The following LRRC37A2 variants were observed in gnomAD, a reference collection of about 807,000 sequenced individuals.
LRRC37A2 encodes the protein leucine-rich repeat-containing protein 37A2.
LRRC37A2 carries 9 observed loss-of-function variants against 68.8 expected under a neutral mutation model. The ratio of observed to expected loss-of-function variants is 0.13; its 90% CI spans 0.08 to 0.23. LRRC37A2 has a LOEUF of 0.23. Among genes scored for constraint, LRRC37A2 ranks in the 10% least tolerant of loss-of-function variants. The pLI is 1.00. For missense variants in LRRC37A2, 168 were observed against 950.4 expected (o/e 0.18, Z 10.82); for synonymous variants, 63 against 367.6 (o/e 0.17, Z 9.48).
At chr17:46,835,487 AG>A in the LRRC37A2 span, among the ~76,000 whole-genome samples, 1 of 152,216 alleles carries the variant, frequency 6.6e-6, no homozygotes, top group African/African-American at 2.4e-5. Flanking sequence ...CTGGGATTAC[AG>A]GCATGAGCCA....
chr17:46,787,475 T>C, the LRRC37A2 span, among the ~76,000 whole-genome samples: 1 of 152,318 alleles, frequency 6.6e-6, no homozygotes, highest in African/African-American at 2.4e-5. Flanking sequence ...AGGGAAGCGA[T>C]GTGCCTTCCC....
chr17:46,757,865 A>T, the LRRC37A2 span, among the ~76,000 whole-genome samples: 1 of 152,102 alleles, frequency 6.6e-6, no homozygotes, highest in Non-Finnish European at 1.5e-5. Flanking sequence ...GTGGTGGCAC[A>T]TGCCTATAAT....
chr17:46,849,214 C>T, the LRRC37A2 span, among the ~76,000 whole-genome samples: 1 of 152,258 alleles, frequency 6.6e-6, no homozygotes, highest in Admixed American at 6.5e-5. Flanking sequence ...GTTTCTCACT[C>T]TCCAGCCACT....
the LRRC37A2 span, among the ~76,000 whole-genome samples, chr17:46,779,133 G>A: frequency 7.1e-5 from 10 of 140,302 alleles, no homozygotes; most frequent in African/African-American, 2.2e-4. Flanking sequence ...CCAAAGGGCC[G>A]GGCACATGCT....
At chr17:46,875,256 G>A in the LRRC37A2 span, 1 of 1,614,204 alleles carries the variant, frequency 6.2e-7, no homozygotes, top group Non-Finnish European at 8.5e-7. Flanking sequence ...CGTGTGCGGT[G>A]ACAACCTCAA....
the LRRC37A2 span, among the ~76,000 whole-genome samples, chr17:46,921,837 C>G: frequency 6.6e-6 from 1 of 152,200 alleles, no homozygotes; most frequent in Non-Finnish European, 1.5e-5. Context: ...GAAACAACAG[C>G]TGCTGGAGAG....
the LRRC37A2 span, among the ~76,000 whole-genome samples, chr17:46,852,395 T>C: frequency 2.7e-5 from 2 of 73,598 alleles, no homozygotes; most frequent in Admixed American, 1.5e-4. Flanking sequence ...GCCCAGTGTG[T>C]GTGTGTGTGT....
At chr17:46,931,657 T>TCCCCCC in the LRRC37A2 span, 5 of 280,040 alleles carry the variant, frequency 1.8e-5, no homozygotes, top group Admixed American at 5.1e-5. Context: ...CCTTGCCACC[T>TCCCCCC]CCACCCCCAG....
chr17:46,962,933 A>G, the LRRC37A2 span, among the ~76,000 whole-genome samples: 3 of 152,246 alleles, frequency 2.0e-5, no homozygotes, highest in South Asian at 6.2e-4. Flanking sequence ...ATGTGATTTA[A>G]TCCTTTCAAA....
At chr17:46,774,011 A>T in the LRRC37A2 span, 3 of 1,498,922 alleles carry the variant, frequency 2.0e-6, no homozygotes, top group African/African-American at 4.1e-5. Flanking sequence ...GTGGAGAGGC[A>T]GAGGGCCTGT....
chr17:46,917,312 A>G, the LRRC37A2 span: 2 of 152,246 alleles, frequency 1.3e-5, no homozygotes. Flanking sequence ...CCAAACTACA[A>G]TGGTGGTACA....
chr17:47,020,641 G>A, the LRRC37A2 span, among the ~76,000 whole-genome samples: 6 of 150,974 alleles, frequency 4.0e-5, no homozygotes, highest in East Asian at 1.9e-4. Flanking sequence ...AATTAGCCAG[G>A]CATGGTGGTG....
the LRRC37A2 span, among the ~76,000 whole-genome samples, chr17:46,789,237 G>A: frequency 5.3e-5 from 8 of 152,134 alleles, no homozygotes; most frequent in Non-Finnish European, 8.8e-5. Flanking sequence ...TGATAGCACT[G>A]GCCACCAGGG....
the LRRC37A2 span, chr17:46,721,473 G>A: frequency 1.4e-6 from 1 of 703,306 alleles, no homozygotes; most frequent in Non-Finnish European, 2.5e-6. Context: ...ATATATGTAT[G>A]TTGATAATTT....
chr17:46,769,822 G>C, the LRRC37A2 span: 3 of 1,612,970 alleles, frequency 1.9e-6, no homozygotes, highest in Non-Finnish European at 1.7e-6. Context: ...TCATGGCCGA[G>C]CGCGCGTCCG....
the LRRC37A2 span, among the ~76,000 whole-genome samples, chr17:46,874,508 G>C: frequency 1.3e-5 from 2 of 152,204 alleles, no homozygotes; most frequent in East Asian, 1.9e-4. Context: ...CCCCTGGCCT[G>C]CTGCCCTCTG....
the LRRC37A2 span, among the ~76,000 whole-genome samples, chr17:46,814,592 C>T: frequency 6.6e-6 from 1 of 152,240 alleles, no homozygotes; most frequent in Admixed American, 6.5e-5. Context: ...GTCTGTCTGT[C>T]TGTCTGTCTG....
At chr17:46,981,800 G>A in the LRRC37A2 span, among the ~76,000 whole-genome samples, 1 of 152,126 alleles carries the variant, frequency 6.6e-6, no homozygotes, top group Admixed American at 6.5e-5. Context: ...CTGATCACCT[G>A]GCTCAAGTGA....
At chr17:46,823,249 T>A in the LRRC37A2 span, among the ~76,000 whole-genome samples, 1 of 142,768 alleles carries the variant, frequency 7.0e-6, no homozygotes, top group African/African-American at 2.6e-5. Context: ...AATTTCATTC[T>A]TGTTGCCCAG....
Sources: gnomAD v4.1 joint callset for allele counts (sites outside exome capture counted in the v4.1 genomes callset) on GRCh38, gnomAD v4.1.1 for gene constraint, MANE v1.5 for transcripts, NCBI Gene and HGNC (gene_info 2026-07-23, HGNC 2026-07-21) for gene names.